Variants in ARMH3 observed in about 807,000 individuals in gnomAD.
The protein encoded by ARMH3 is armadillo like helical domain containing 3.
Under a neutral mutation model 99.1 loss-of-function variants are expected in ARMH3, and 60 were observed. The ratio of observed to expected loss-of-function variants is 0.61; its 90% CI spans 0.49 to 0.75. ARMH3 has a LOEUF of 0.75. Among genes scored for constraint, ARMH3 ranks in the 30% least tolerant of loss-of-function variants. The pLI is 0.00. For synonymous variants in ARMH3, 285 were observed against 292.8 expected, an observed-to-expected ratio of 0.97 and a Z score of 0.27; for missense variants, 679 against 843.1, an observed-to-expected ratio of 0.81 and a Z score of 2.41.
intron 24 of ARMH3, among the ~76,000 whole-genome samples, chr10:101,868,600 C>T (rs2067060728): frequency 6.6e-6 from 1 of 152,168 alleles, no homozygotes; most frequent in Non-Finnish European, 1.5e-5. Flanking sequence ...CCTCAGCCTA[C>T]TCAACATGAA....
At chr10:102,052,733 T>C (rs1052936302) in intron 1 of ARMH3, among the ~76,000 whole-genome samples, 1 of 152,190 alleles carries the variant, frequency 6.6e-6, no homozygotes, top group Non-Finnish European at 1.5e-5. Context: ...TACTTCCTTA[T>C]AGACAAATAA....
chr10:101,987,436 A>G (rs992654835), intron 19 of ARMH3, among the ~76,000 whole-genome samples: 2 of 152,086 alleles, frequency 1.3e-5, no homozygotes, highest in South Asian at 2.1e-4. Context: ...TCTTTCCTCC[A>G]TCACTTATCA....
intron 23 of ARMH3, among the ~76,000 whole-genome samples, chr10:101,904,551 T>C (rs1260532673): frequency 6.6e-6 from 1 of 152,186 alleles, no homozygotes; most frequent in African/African-American, 2.4e-5. Context: ...AAAGTGGCTT[T>C]AGTTGTCTCA....
intron 24 of ARMH3, among the ~76,000 whole-genome samples, chr10:101,858,795 T>G (rs549188135): frequency 2.6e-4 from 39 of 152,304 alleles, no homozygotes; most frequent in African/African-American, 8.9e-4. Flanking sequence ...AAATCTCTCA[T>G]AGCTAGATGC....
chr10:101,987,769 G>A (rs2135988832), intron 19 of ARMH3, among the ~76,000 whole-genome samples: 1 of 152,294 alleles, frequency 6.6e-6, no homozygotes, highest in East Asian at 1.9e-4. Flanking sequence ...ACGTGGTGAA[G>A]AACTGAGGCT....
intron 22 of ARMH3, among the ~76,000 whole-genome samples, chr10:101,950,935 C>T (rs1844754987): frequency 6.6e-6 from 1 of 151,850 alleles, no homozygotes; most frequent in African/African-American, 2.4e-5. Context: ...CTTTAATGGG[C>T]AGATTATAAG....
Position 102,025,064 on chromosome 10 carries a change from C to A in ARMH3, c.507+92G>T, listed in dbSNP as rs989689290. 1.9e-5 allele frequency: 21 copies of A among 1,077,486 alleles called. No individual in the cohort carries two copies. In the Admixed American group the frequency reaches 3.7e-4, roughly 19 times the overall value. 66.7% of individuals were successfully genotyped at this position (1,077,486 alleles called of 1,614,324 possible). A position where few individuals can be genotyped will look rare whatever the true frequency, so the allele number is the denominator to read the frequency against. On this transcript the variant is annotated intron_variant, in intron 6 of 25. Coordinates refer to ENST00000370033, the MANE Select transcript of ARMH3 (RefSeq NM_024541.3). Reference sequence around the variant, plus strand: ...TGTAATACCCTCATTGAGAATATTTCTTCTCTTTTTCCTTCTATCTTTGGG... The same window carrying A: ...TGTAATACCCTCATTGAGAATATTTATTCTCTTTTTCCTTCTATCTTTGGG...
chr10:102,012,126 T>G (rs1428719366), intron 10 of ARMH3, among the ~76,000 whole-genome samples: 1 of 152,176 alleles, frequency 6.6e-6, no homozygotes, highest in East Asian at 1.9e-4. Flanking sequence ...ACACTGAAAA[T>G]CTTGTTTCTT....
intron 19 of ARMH3, among the ~76,000 whole-genome samples, chr10:101,988,922 CAAAAAAAAAAAA>C (rs35605193): frequency 5.3e-5 from 3 of 56,582 alleles, no homozygotes; most frequent in African/African-American, 7.6e-5. Flanking sequence ...GACTCTGTCT[CAAAAAAAAAAAA>C]AAAAAAAAAA....
chr10:101,963,426 C>T (rs200492041), intron 20 of ARMH3, among the ~76,000 whole-genome samples: 5 of 151,876 alleles, frequency 3.3e-5, no homozygotes, highest in African/African-American at 7.3e-5. Flanking sequence ...TGTGAGCCAC[C>T]GTGCCCAGCC....
intron 24 of ARMH3, among the ~76,000 whole-genome samples, chr10:101,864,828 A>G (rs1187734384): frequency 6.6e-6 from 1 of 152,120 alleles, no homozygotes; most frequent in Non-Finnish European, 1.5e-5. Flanking sequence ...ACCACATGGC[A>G]CATGTATACA....
chr10:102,048,126 T>C (rs1322501892), intron 1 of ARMH3, among the ~76,000 whole-genome samples: 1 of 152,224 alleles, frequency 6.6e-6, no homozygotes, highest in Non-Finnish European at 1.5e-5. Context: ...TCTAGACAGA[T>C]GATACTGAGA....
At chr10:102,043,411 C>T (rs2067468011) in intron 1 of ARMH3, among the ~76,000 whole-genome samples, 1 of 152,126 alleles carries the variant, frequency 6.6e-6, no homozygotes, top group Non-Finnish European at 1.5e-5. Flanking sequence ...ATAAAAAGCA[C>T]CTAAAGCCCT....
At chr10:101,889,612 G>A in intron 23 of ARMH3, 122 bp from the exon 24 acceptor site, 1 of 877,778 alleles carries the variant, frequency 1.1e-6, no homozygotes, top group Non-Finnish European at 1.9e-6. Context: ...TTGTGACTGG[G>A]TAACTTCCTC....
chr10:102,007,300 CCATTA>C (rs1256158265), intron 13 of ARMH3, among the ~76,000 whole-genome samples: 1 of 150,950 alleles, frequency 6.6e-6, no homozygotes, highest in Non-Finnish European at 1.5e-5. Context: ...AACTAGGTTC[CCATTA>C]CATAAGTTTT....
In ARMH3 at chr10:101,889,401, T is replaced by C. The variant is rs761211730; in HGVS notation, c.1860+11A>G. 4 of 1,607,448 alleles carry C rather than the reference T, an allele frequency of 2.5e-6. No individual in the cohort carries two copies. In the Admixed American group the frequency reaches 5.0e-5, roughly 20 times the overall value. On this transcript the variant is annotated intron_variant, in intron 24 of 25. Transcript: ENST00000370033. ...CACCAACTAGGTCATCTGGGGAAAG[T>C]AGTGGCTTACCTGCTCCTCTGACAG... is the stretch of plus-strand genomic sequence containing the variant.
intron 8 of ARMH3, among the ~76,000 whole-genome samples, chr10:102,023,031 T>G (rs767702413): frequency 1.9e-4 from 29 of 151,852 alleles, no homozygotes; most frequent in Non-Finnish European, 3.5e-4. Flanking sequence ...CCACTAAAAA[T>G]ACAAAATTAG....
chr10:101,866,515 G>A (rs1038811441), intron 24 of ARMH3, among the ~76,000 whole-genome samples: 5 of 150,636 alleles, frequency 3.3e-5, no homozygotes, highest in African/African-American at 9.7e-5. Context: ...AAAAGGAAAA[G>A]AAATTTATGA....
intron 20 of ARMH3, 109 bp downstream of exon 20, chr10:101,975,103 A>C: frequency 2.0e-6 from 1 of 494,498 alleles, no homozygotes; most frequent in Non-Finnish European, 3.5e-6. Flanking sequence ...AAATAAAGGC[A>C]ACCTAAACAA....
Sources: allele counts gnomAD v4.1 joint callset (sites outside exome capture counted in the v4.1 genomes callset), GRCh38; gene constraint gnomAD v4.1.1; transcripts MANE v1.5; gene names NCBI Gene and HGNC (gene_info 2026-07-23, HGNC 2026-07-21).